The following CALD1 variants were observed in gnomAD, a reference collection of about 807,000 sequenced individuals.
CALD1 encodes the protein caldesmon 1, also known as caldesmon.
Under a neutral mutation model 99.9 loss-of-function variants are expected in CALD1, and 33 were observed. The observed-to-expected ratio is 0.33, with a 90% confidence interval of 0.25 to 0.44. The LOEUF (loss-of-function observed/expected upper bound fraction) is 0.44, where lower values mean the gene tolerates loss of function less well. Ranked by LOEUF, CALD1 falls within the 20% of genes least tolerant of loss-of-function variation. The pLI, the probability that CALD1 is intolerant of heterozygous loss-of-function variation, is 1.00. For missense variants in CALD1, 861 were observed against 962.1 expected, an observed-to-expected ratio of 0.89 and a Z score of 1.39; for synonymous variants, 310 against 325.0, an observed-to-expected ratio of 0.95 and a Z score of 0.50.
chr7:134,772,095 C>CTTTT (rs11427929), intron 1 of CALD1, among the ~76,000 whole-genome samples: 5 of 138,012 alleles, frequency 3.6e-5, no homozygotes, highest in Admixed American at 7.3e-5. Context: ...AATAAATGAA[C>CTTTT]TTTTTTTTTT....
At chr7:134,900,521 T>G (rs1461864112) in intron 3 of CALD1, among the ~76,000 whole-genome samples, 2 of 151,790 alleles carry the variant, frequency 1.3e-5, no homozygotes, top group African/African-American at 4.9e-5. Context: ...CACAAAAGAG[T>G]CTCAACGCCC....
the CALD1 span, among the ~76,000 whole-genome samples, chr7:134,736,211 G>A: frequency 6.6e-6 from 1 of 152,080 alleles, no homozygotes; most frequent in East Asian, 1.9e-4. Flanking sequence ...AAAATCCAAA[G>A]CAAATATCCC....
chr7:134,768,225 G>A lies in CALD1; in HGVS notation c.-130+23862G>A, dbSNP rs140179451. Among the ~76,000 whole-genome samples the A allele has an allele frequency of 3.6e-3, 549 of 152,284 alleles. 2 individuals carry two copies. Among genetic ancestry groups the A allele is most frequent in the African/African-American group, 0.013 (524 of 41,544 alleles). On this transcript the variant is annotated intron_variant, in intron 1 of 13. Coordinates refer to the CALD1 transcript ENST00000417172. ...CCTTCATCTACACTGGGTCTTCTCT[G>A]ATCATGTCCTCTTTCATTTTGTCAG...
intron 2 of CALD1, among the ~76,000 whole-genome samples, chr7:134,858,755 A>G (rs900044498): frequency 2.6e-5 from 4 of 151,996 alleles, no homozygotes; most frequent in Non-Finnish European, 4.4e-5. Flanking sequence ...ATTTTAGTAG[A>G]GACAGGGTTT....
Position 134,929,652 on chromosome 7 carries a change from A to G in CALD1, c.218+752A>G, listed in dbSNP as rs1432523244. On this transcript the variant is annotated intron_variant, in intron 4 of 14. Transcript: ENST00000361675. ...TGTGTGTGTGTGTGTGTGTGTATATATATATATATATATATATACACCACA... is the reference window on the plus strand; with the variant it reads ...TGTGTGTGTGTGTGTGTGTGTATATGTATATATATATATATATACACCACA... 1.1e-3 allele frequency among the ~76,000 whole-genome samples: 112 copies of G among 101,602 alleles called. 4 individuals are homozygous for G. Among genetic ancestry groups the G allele is most frequent in the African/African-American group, 4.1e-3 (103 of 25,122 alleles). 66.7% of individuals were successfully genotyped at this position (101,602 alleles called of 152,430 possible). A position where few individuals can be genotyped will look rare whatever the true frequency, so the allele number is the denominator to read the frequency against.
At chr7:134,916,949 T>C (rs1442700260) in intron 3 of CALD1, among the ~76,000 whole-genome samples, 3 of 152,262 alleles carry the variant, frequency 2.0e-5, no homozygotes, top group South Asian at 4.1e-4. Context: ...TCTAGGTGAT[T>C]GTCTTCAGAT....
chr7:134,935,565 A>G (rs1805901101), intron 5 of CALD1, 123 bp from the exon 6 acceptor site: 1 of 1,466,140 alleles, frequency 6.8e-7, no homozygotes, highest in Non-Finnish European at 9.1e-7. Context: ...GTGAGCGCTG[A>G]GACGGCAGAA....
intron 4 of CALD1, among the ~76,000 whole-genome samples, 193 bp downstream of exon 4, chr7:134,929,093 A>T (rs1195746275): frequency 1.3e-5 from 2 of 152,186 alleles, no homozygotes; most frequent in Non-Finnish European, 1.5e-5. Flanking sequence ...ACTAGGACAC[A>T]CTATTCTATT....
At chr7:134,823,154 GT>G (rs1188355255) in intron 1 of CALD1, among the ~76,000 whole-genome samples, 3 of 152,270 alleles carry the variant, frequency 2.0e-5, no homozygotes, top group African/African-American at 7.2e-5. Flanking sequence ...GAAAATTTCT[GT>G]AATTTTCATC....
At chr7:134,841,649 G>A (rs1799655124) in intron 1 of CALD1, among the ~76,000 whole-genome samples, 1 of 152,206 alleles carries the variant, frequency 6.6e-6, no homozygotes, top group South Asian at 2.1e-4. Flanking sequence ...TGGATACAAA[G>A]GTGATCATGT....
intron 3 of CALD1, among the ~76,000 whole-genome samples, chr7:134,924,840 G>T (rs1339409352): frequency 6.6e-6 from 1 of 152,134 alleles, no homozygotes; most frequent in South Asian, 2.1e-4. Flanking sequence ...AGTTTCCCCC[G>T]TGCTATTCTC....
chr7:134,850,346 G>A (rs1170454148), intron 2 of CALD1, among the ~76,000 whole-genome samples: 1 of 152,186 alleles, frequency 6.6e-6, no homozygotes, highest in Non-Finnish European at 1.5e-5. Context: ...CTTGTGAGAT[G>A]TAACAGAGTG....
intron 1 of CALD1, among the ~76,000 whole-genome samples, chr7:134,762,457 T>G (rs1796787474): frequency 1.3e-5 from 2 of 152,230 alleles, no homozygotes; most frequent in Admixed American, 6.5e-5. Flanking sequence ...CTAAGGGTTC[T>G]GTATTAGTCC....
intron 6 of CALD1, among the ~76,000 whole-genome samples, chr7:134,940,633 T>C (rs1206681186): frequency 6.6e-6 from 1 of 152,216 alleles, no homozygotes; most frequent in Admixed American, 6.5e-5. Flanking sequence ...GCTAAACTGA[T>C]AGGTTTCCTT....
intron 1 of CALD1, among the ~76,000 whole-genome samples, chr7:134,813,074 C>T (rs1363339164): frequency 1.3e-5 from 2 of 152,242 alleles, no homozygotes; most frequent in African/African-American, 4.8e-5. Context: ...CTGTGTCAAA[C>T]GCTCATGTAT....
chr7:134,947,384 T>C, intron 7 of CALD1, 124 bp from the exon 8 acceptor site: 1 of 980,688 alleles, frequency 1.0e-6, no homozygotes, highest in African/African-American at 1.6e-5. Flanking sequence ...GCCTACCCCC[T>C]GGGCTAATGA....
At chr7:134,750,668 T>C (rs1796678634) in intron 1 of CALD1, among the ~76,000 whole-genome samples, 1 of 152,200 alleles carries the variant, frequency 6.6e-6, no homozygotes, top group Non-Finnish European at 1.5e-5. Flanking sequence ...CACCAAATTC[T>C]CTAGCACATA....
chr7:134,826,069 C>T (rs1029765280), intron 1 of CALD1, among the ~76,000 whole-genome samples: 1 of 152,160 alleles, frequency 6.6e-6, no homozygotes, highest in East Asian at 1.9e-4. Context: ...AACTTAGTCT[C>T]AAAATCTCCC....
the CALD1 span, among the ~76,000 whole-genome samples, chr7:134,719,704 A>G: frequency 6.6e-6 from 1 of 152,138 alleles, no homozygotes; most frequent in Non-Finnish European, 1.5e-5. Context: ...TTGGACGTCA[A>G]CGGCCTTGTG....
Sources: allele counts gnomAD v4.1 joint callset (sites outside exome capture counted in the v4.1 genomes callset), GRCh38; gene constraint gnomAD v4.1.1; transcripts MANE v1.5; gene names NCBI Gene and HGNC (gene_info 2026-07-23, HGNC 2026-07-21).